CAGE1: variants seen among roughly 807,000 people sequenced by gnomAD.
The protein encoded by CAGE1 is cancer-associated gene 1 protein.
Under a neutral mutation model 94.9 loss-of-function variants are expected in CAGE1, and 66 were observed. That is an observed-to-expected ratio of 0.70 (90% CI 0.57 to 0.85). The LOEUF is 0.85. CAGE1 is among the 40% of genes least tolerant of loss of function. CAGE1 has a pLI of 0.00. For missense variants in CAGE1, 865 were observed against 950.4 expected (o/e 0.91, Z 1.18); for synonymous variants, 319 against 321.0 (o/e 0.99, Z 0.07).
chr6:7,334,725 C>CAAAAAAAAAAAA lies in CAGE1; in HGVS notation c.2370-647_2370-636dup, dbSNP rs58790989. Among the ~76,000 whole-genome samples, 546 of 67,694 alleles carry CAAAAAAAAAAAA rather than the reference C, an allele frequency of 8.1e-3. 28 individuals are homozygous for CAAAAAAAAAAAA. The highest frequency in any genetic ancestry group is 0.038 in the African/African-American group (455 of 12,064). 44.4% of individuals were successfully genotyped at this position (67,694 alleles called of 152,430 possible). A position where few individuals can be genotyped will look rare whatever the true frequency, so the allele number is the denominator to read the frequency against. On this transcript the variant is annotated intron_variant, in intron 11 of 13. Transcript: ENST00000502583. ...CCTGGGACAGAGCTAGACTCTCTCT[C>CAAAAAAAAAAAA]AAAAAAAAAAAAAAAAAGGAAAGAA...
At chr6:7,374,236 G>C (rs1209216495) in intron 4 of CAGE1, 105 bp from the exon 5 acceptor site, 4 of 835,980 alleles carry the variant, frequency 4.8e-6, no homozygotes, top group Non-Finnish European at 7.5e-6. Context: ...CCCCTGTTTG[G>C]CTTTCTCCGC....
In CAGE1 at chr6:7,355,026, G is replaced by GT. The variant is rs772317071; in HGVS notation, c.2369+14dup. Reference sequence around the variant, plus strand: ...TAAATATTCACAAAATTAAGGATTCGTTTTTTCAACTTACTGTGCAATCTG... The same window carrying GT: ...TAAATATTCACAAAATTAAGGATTCGTTTTTTTCAACTTACTGTGCAATCTG... On this transcript the variant is annotated intron_variant, in intron 11 of 13. Transcript: ENST00000502583. The GT allele has an allele frequency of 1.3e-5, 21 of 1,581,230 alleles. No individual in the cohort carries two copies. Among genetic ancestry groups the GT allele is most frequent in the East Asian group, 4.5e-5 (2 of 44,470 alleles).
chr6:7,365,606 A>G (rs776335230), intron 8 of CAGE1, 31 bp from the exon 9 acceptor site: 1 of 1,585,676 alleles, frequency 6.3e-7, no homozygotes, highest in South Asian at 1.1e-5. Flanking sequence ...TCTCACTTTC[A>G]ATCATTTCAT....
rs377642113 is a variant in CAGE1 at position 7,373,727 on chromosome 6, T to C, written c.1092A>G (p.Leu364=). The C allele has an allele frequency of 3.1e-6, 5 of 1,612,602 alleles. No homozygotes were observed. The African/African-American group carries it at 6.7e-5, about 22-fold the overall frequency. ...GGATTATTTTGTATTTGTCTTCAAT[T>C]AATTCTTCAACATTCTCCTTTAGCT... ...INKLKENVEE[L]IEDKYKIILE... The change falls in exon 5 of 14, where the codon TTA becomes TTG. Residue 364 remains leucine (L), a synonymous_variant. Transcript: ENST00000502583.
intron 9 of CAGE1, among the ~76,000 whole-genome samples, chr6:7,357,658 T>C (rs887270154): frequency 4.6e-5 from 7 of 152,170 alleles, no homozygotes; most frequent in African/African-American, 1.7e-4. Context: ...TAGATTATCA[T>C]GAAAAGAAAT....
At position 7,370,033 on chromosome 6, in the gene CAGE1, C is replaced by T. The variant is rs374783006; in HGVS notation, c.1779G>A (p.Pro593=). Residue 593 remains proline, a synonymous_variant, in exon 6 of 14, where the codon CCG becomes CCA. Transcript: ENST00000502583. ...DTKTTHSNLL[P]DCSPCEERLN... Reference sequence around the variant, plus strand: ...GCCTCTCTTCACAAGGTGAGCAATCCGGGAGCAGATTAGAATGTGTCGTTT... The same window carrying T: ...GCCTCTCTTCACAAGGTGAGCAATCTGGGAGCAGATTAGAATGTGTCGTTT... The T allele has an allele frequency of 2.5e-5, 40 of 1,612,440 alleles. No individual in the cohort carries two copies. The highest frequency in any genetic ancestry group is 6.6e-5 in the South Asian group (6 of 90,768).
At chr6:7,388,180 T>G (rs3812170) in intron 1 of CAGE1, among the ~76,000 whole-genome samples, 65,930 of 151,692 alleles carry the variant, frequency 0.43, 14,863 homozygotes, top group African/African-American at 0.56. Flanking sequence ...CTCACATTGA[T>G]TCTATAAATT....
intron 3 of CAGE1, among the ~76,000 whole-genome samples, chr6:7,383,809 A>C (rs977843628): frequency 6.6e-6 from 1 of 152,150 alleles, no homozygotes; most frequent in Non-Finnish European, 1.5e-5. Context: ...GGCCTCCAGG[A>C]AAGTTTTATA....
intron 12 of CAGE1, among the ~76,000 whole-genome samples, chr6:7,332,610 C>A (rs1758796088): frequency 6.6e-6 from 1 of 152,166 alleles, no homozygotes; most frequent in Non-Finnish European, 1.5e-5. Context: ...CTGTGTTTCC[C>A]AACTTTTAGG....
At chr6:7,330,342 G>A (rs538904368) in intron 12 of CAGE1, among the ~76,000 whole-genome samples, 9 of 152,254 alleles carry the variant, frequency 5.9e-5, no homozygotes, top group East Asian at 3.9e-4. Flanking sequence ...AGCTAAGATC[G>A]CGCCATTGCA....
chr6:7,345,178 TC>T (rs1399829659), intron 11 of CAGE1, among the ~76,000 whole-genome samples: 1 of 137,896 alleles, frequency 7.3e-6, no homozygotes, highest in Non-Finnish European at 1.5e-5. Flanking sequence ...GCTATGACAC[TC>T]CTTGTGAAGG....
chr6:7,352,316 C>CA (rs70978959), intron 11 of CAGE1, among the ~76,000 whole-genome samples: 12,304 of 91,780 alleles, frequency 0.13, 1,382 homozygotes, highest in African/African-American at 0.36. Flanking sequence ...CAAAAAAAAA[C>CA]AAAAAAAAAA....
In CAGE1 at chr6:7,326,735, G is replaced by C. The variant is rs1422598659; in HGVS notation, c.*123C>G. ...AAGTAATCACATCTTTGGAATGTAAGACTTTACCCTTTATACAGATTTTAA... is the reference window on the plus strand; with the variant it reads ...AAGTAATCACATCTTTGGAATGTAACACTTTACCCTTTATACAGATTTTAA... On this transcript the variant is annotated 3_prime_UTR_variant, in exon 14 of 14. Transcript: ENST00000502583. The C allele has an allele frequency of 1.5e-5, 11 of 736,416 alleles. No homozygotes were observed. The highest frequency in any genetic ancestry group is 2.6e-5 in the Non-Finnish European group (11 of 415,740). The allele number at this position is 736,416 out of a possible 1,614,324, so 45.6% of individuals were successfully genotyped here.
At chr6:7,347,515 T>TGGGG (rs1561853738) in intron 11 of CAGE1, 4 of 15,348 alleles carry the variant, frequency 2.6e-4, no homozygotes, top group African/African-American at 6.4e-4. Context: ...GGGGGGGGGG[T>TGGGG]TGGGGGGGGC....
intron 12 of CAGE1, among the ~76,000 whole-genome samples, chr6:7,332,769 T>A (rs900892346): frequency 3.3e-5 from 5 of 152,188 alleles, no homozygotes; most frequent in Admixed American, 2.6e-4. Context: ...TCCATACTTT[T>A]ATATCTTGGA....
chr6:7,350,379 T>C lies in CAGE1; in HGVS notation c.2369+4662A>G, dbSNP rs185524104. The stretch of plus-strand genomic sequence containing the variant: ...GGACAGAAAGTCAACAAAGAAACAA[T>C]GGAGTTAAACGATACCTTGGAACAA... On this transcript the variant is annotated intron_variant, in intron 11 of 13. Transcript: ENST00000502583. Among the ~76,000 whole-genome samples, 270 of 152,218 alleles carry C rather than the reference T, an allele frequency of 1.8e-3. 2 individuals are homozygous for C. The highest frequency in any genetic ancestry group is 0.01 in the Middle Eastern group (3 of 294).
chr6:7,387,317 T>C (rs1201466403), intron 1 of CAGE1, 121 bp from the exon 2 acceptor site: 1 of 623,616 alleles, frequency 1.6e-6, no homozygotes, highest in Admixed American at 3.0e-5. Context: ...TGTCAAGTTA[T>C]TAGAAAAATT....
chr6:7,378,275 C>T (rs745609680), intron 4 of CAGE1, among the ~76,000 whole-genome samples: 7 of 152,148 alleles, frequency 4.6e-5, no homozygotes, highest in Non-Finnish European at 8.8e-5. Flanking sequence ...GTGAGTAAGA[C>T]AGTCCTGATC....
intron 13 of CAGE1, among the ~76,000 whole-genome samples, chr6:7,328,001 G>A (rs997438634): frequency 6.6e-6 from 1 of 152,128 alleles, no homozygotes; most frequent in Non-Finnish European, 1.5e-5. Context: ...GTTCAACTAT[G>A]AGAAAAGCTG....
Sources: allele counts gnomAD v4.1 joint callset (sites outside exome capture counted in the v4.1 genomes callset), GRCh38; gene constraint gnomAD v4.1.1; transcripts MANE v1.5; gene names NCBI Gene and HGNC (gene_info 2026-07-23, HGNC 2026-07-21).